The following PCDHGA1 variants were observed in gnomAD, a reference collection of about 807,000 sequenced individuals.
PCDHGA1 encodes the protein protocadherin gamma subfamily A, 1, also known as protocadherin gamma-A1.
A neutral mutation model predicts 58.0 loss-of-function variants in PCDHGA1; 32 were observed. The ratio of observed to expected loss-of-function variants is 0.55; its 90% CI spans 0.42 to 0.74. The LOEUF (loss-of-function observed/expected upper bound fraction) is 0.74, where lower values mean the gene tolerates loss of function less well. Ranked by LOEUF, PCDHGA1 falls within the 30% of genes least tolerant of loss-of-function variation. PCDHGA1 has a pLI of 0.00. For missense variants in PCDHGA1, 1,205 were observed against 1,182.3 expected, an observed-to-expected ratio of 1.02 and a Z score of -0.28; for synonymous variants, 498 against 501.1, an observed-to-expected ratio of 0.99 and a Z score of 0.08.
At chr5:141,475,950 C>T (rs1236145505) in intron 1 of PCDHGA1, 3 of 761,526 alleles carry the variant, frequency 3.9e-6, no homozygotes, top group East Asian at 2.7e-5. Context: ...CCCCTTTCTG[C>T]GCCCCGGGAT....
Position 141,344,214 on chromosome 5 carries a change from G to C in PCDHGA1, c.2421+11109G>C, listed in dbSNP as rs774234664. On this transcript the variant is annotated intron_variant, in intron 1 of 3. Coordinates refer to ENST00000517417, the MANE Select transcript of PCDHGA1 (RefSeq NM_018912.3). ...GGGGCTAGAGCCCCGGGAGCTGGCG[G>C]AGCGCGGAGTCCGCATCGTCTCCAG... The C allele has an allele frequency of 2.7e-5, 44 of 1,613,908 alleles. No homozygotes were observed. Among genetic ancestry groups the C allele is most frequent in the Middle Eastern group, 1.6e-4 (1 of 6,070 alleles).
At chr5:141,456,615 A>G (rs561978043) in intron 1 of PCDHGA1, among the ~76,000 whole-genome samples, 3 of 152,318 alleles carry the variant, frequency 2.0e-5, no homozygotes, top group East Asian at 3.9e-4. Flanking sequence ...AAGTCCCTGT[A>G]GATTTGCCTC....
chr5:141,360,034 G>A (rs1436602507), intron 1 of PCDHGA1: 2 of 1,398,676 alleles, frequency 1.4e-6, no homozygotes, highest in African/African-American at 1.5e-5. Flanking sequence ...GTATAGATTC[G>A]GAAACAGAAA....
Position 141,432,254 on chromosome 5 carries a change from G to A in PCDHGA1, c.2422-62553G>A, listed in dbSNP as rs935437220. 6.2e-7 allele frequency: 1 copy of A among 1,614,242 alleles called. No homozygotes were observed. The highest frequency in any genetic ancestry group is 8.5e-7 in the Non-Finnish European group (1 of 1,180,050). ...CCTGGCTGAGAACACCATCCAAGGG[G>A]CAAGCCTATCGTCCTACGTGTCCAT... On this transcript the variant is annotated intron_variant, in intron 1 of 3. Transcript: ENST00000517417. The surrounding 1 kb of genome is among the most constrained non-coding windows in gnomAD (Gnocchi z 6.0).
At chr5:141,392,689 C>T in intron 1 of PCDHGA1, 1 of 1,115,570 alleles carries the variant, frequency 9.0e-7, no homozygotes, top group Non-Finnish European at 1.2e-6. Context: ...CAGCGAAACC[C>T]GACCCCTGTT....
intron 1 of PCDHGA1, chr5:141,399,118 A>G: frequency 6.2e-7 from 1 of 1,613,822 alleles, no homozygotes; most frequent in Non-Finnish European, 8.5e-7. Context: ...TACAGTTGAA[A>G]TTAATATTCA....
At chr5:141,385,865 G>T (rs1329915375) in intron 1 of PCDHGA1, 1 of 152,944 alleles carries the variant, frequency 6.5e-6, no homozygotes, top group Admixed American at 6.5e-5. Context: ...GTAGTAGAAG[G>T]TTGGATTTAT....
intron 1 of PCDHGA1, chr5:141,371,387 T>A: frequency 6.2e-7 from 1 of 1,613,964 alleles, no homozygotes; most frequent in Non-Finnish European, 8.5e-7. Flanking sequence ...CTGCATATTG[T>A]AAAGTACAGA....
intron 1 of PCDHGA1, chr5:141,399,841 G>C: frequency 6.2e-7 from 1 of 1,613,086 alleles, no homozygotes; most frequent in Non-Finnish European, 8.5e-7. Context: ...TGCGCTCTTC[G>C]ATATGGTGCC....
In PCDHGA1 at chr5:141,432,293, G is replaced by T. The variant is rs765631138; in HGVS notation, c.2422-62514G>T. ...CTACGTGTCCATCAACTCCGACACT[G>T]GGGTACTGTATGCGCTGAGCTCCTT... On this transcript the variant is annotated intron_variant, in intron 1 of 3. Coordinates refer to ENST00000517417, the MANE Select transcript of PCDHGA1 (RefSeq NM_018912.3). The surrounding 1 kb of genome is among the most constrained non-coding windows in gnomAD (Gnocchi z 6.0). 1.2e-6 allele frequency: 2 copies of T among 1,614,136 alleles called. No individual in the cohort carries two copies. Among genetic ancestry groups the T allele is most frequent in the African/African-American group, 1.3e-5 (1 of 74,950 alleles).
intron 1 of PCDHGA1, chr5:141,440,868 T>G (rs1288344051): frequency 3.9e-5 from 6 of 152,150 alleles, no homozygotes; most frequent in Non-Finnish European, 1.5e-5. Context: ...ATCTAGGATG[T>G]GTACAGCGTC....
intron 1 of PCDHGA1, chr5:141,394,385 G>C: frequency 6.2e-7 from 1 of 1,614,206 alleles, no homozygotes. Context: ...ACTATGAGCA[G>C]ATCCGAGACC....
intron 1 of PCDHGA1, chr5:141,376,198 G>A (rs1772399318): frequency 6.2e-7 from 1 of 1,614,072 alleles, no homozygotes; most frequent in South Asian, 1.1e-5. Context: ...GCGTCTTCCT[G>A]GCCTTCGTCA....
intron 2 of PCDHGA1, among the ~76,000 whole-genome samples, chr5:141,496,391 A>G (rs1473991011): frequency 1.3e-5 from 2 of 151,930 alleles, no homozygotes; most frequent in Admixed American, 6.6e-5. Flanking sequence ...ACCTTACCCT[A>G]CCTCCTCAAT....
intron 1 of PCDHGA1, chr5:141,387,869 G>A (rs772536133): frequency 6.3e-7 from 1 of 1,590,306 alleles, no homozygotes; most frequent in Non-Finnish European, 8.5e-7. Context: ...TGAGCAAGCT[G>A]AGGAGAGCAA....
At chr5:141,410,847 G>GTTTTT (rs773839667) in intron 1 of PCDHGA1, 12 of 158,330 alleles carry the variant, frequency 7.6e-5, no homozygotes, top group African/African-American at 2.5e-4. Flanking sequence ...TTTTGTCTTT[G>GTTTTT]TCTTTTTTTT....
At chr5:141,419,170 C>T (rs758796140) in intron 1 of PCDHGA1, 4 of 1,613,966 alleles carry the variant, frequency 2.5e-6, no homozygotes, top group Non-Finnish European at 3.4e-6. Context: ...CCAGCAAAAC[C>T]ATAACCCTGC....
chr5:141,431,476 A>G lies in PCDHGA1; in HGVS notation c.2422-63331A>G, dbSNP rs975772031. 1.9e-6 allele frequency: 3 copies of G among 1,613,864 alleles called. No homozygotes were observed. Among genetic ancestry groups the G allele is most frequent in the Admixed American group, 3.3e-5 (2 of 60,032 alleles). ...TGGTTCTGGATGCGAACGACAACGC[A>G]CCAGCGTTTGCTCAGCCCGAGTACC... On this transcript the variant is annotated intron_variant, in intron 1 of 3. Coordinates refer to ENST00000517417, the MANE Select transcript of PCDHGA1 (RefSeq NM_018912.3). This position sits in a 1 kb window ranked among gnomAD's most constrained non-coding sequence, Gnocchi z 4.8.
Position 141,491,094 on chromosome 5 carries a change from G to T in PCDHGA1, c.2422-3713G>T. ...TGCCACAGTCCACAGCCCCAGGACT[G>T]TTCCTCGTGTCTACACACACTGGTG... On this transcript the variant is annotated intron_variant, in intron 1 of 3. Transcript: ENST00000517417. This position sits in a 1 kb window ranked among gnomAD's most constrained non-coding sequence, Gnocchi z 6.9. The T allele has an allele frequency of 6.2e-7, 1 of 1,614,202 alleles. No homozygotes were observed. The highest frequency in any genetic ancestry group is 1.1e-5 in the South Asian group (1 of 91,086).
Sources: allele counts gnomAD v4.1 joint callset (sites outside exome capture counted in the v4.1 genomes callset), GRCh38; gene constraint gnomAD v4.1.1; non-coding constraint Gnocchi (gnomAD v3.1); transcripts MANE v1.5; gene names NCBI Gene and HGNC (gene_info 2026-07-23, HGNC 2026-07-21).